POGK: variants seen among roughly 807,000 people sequenced by gnomAD.
POGK encodes pogo transposable element with KRAB domain.
In POGK, 16 loss-of-function variants were observed where a neutral mutation model predicts 54.4. The ratio of observed to expected loss-of-function variants is 0.29; its 90% CI spans 0.20 to 0.45. The LOEUF (loss-of-function observed/expected upper bound fraction) is 0.45. POGK is among the 20% of genes least tolerant of loss of function. The pLI is 1.00. For synonymous variants in POGK, 271 were observed against 302.2 expected (o/e 0.90, Z 1.07); for missense variants, 515 against 795.6 (o/e 0.65, Z 4.24).
chr1:166,844,569 C>G (rs944603124), intron 2 of POGK, among the ~76,000 whole-genome samples: 1 of 152,132 alleles, frequency 6.6e-6, no homozygotes, highest in Admixed American at 6.5e-5. Flanking sequence ...GGTTTTATGA[C>G]AGATAAAATT....
Position 166,847,526 on chromosome 1 carries a change from C to T in POGK, c.292C>T (p.Arg98Cys), listed in dbSNP as rs775214798. The change falls in exon 4 of 6, where the codon CGT (arginine) becomes TGT (cysteine). Residue 98 changes from arginine to cysteine, a missense_variant. Physicochemically the swap from Arg to Cys is radical, Grantham distance 180. Transcript: ENST00000367876. ...ATTCCCTAAGCCAGACATGATCACCCGTTTGGAAGGGGAGGAGGAGTCTCA... is the reference window on the plus strand; with the variant it reads ...ATTCCCTAAGCCAGACATGATCACCTGTTTGGAAGGGGAGGAGGAGTCTCA... The part of the protein sequence containing the change: ...FPFPKPDMIT[R>C]LEGEEESQNS... 3.1e-6 allele frequency: 5 copies of T among 1,613,926 alleles called. No individual in the cohort carries two copies. Among genetic ancestry groups the T allele is most frequent in the Non-Finnish European group, 3.4e-6 (4 of 1,179,888 alleles).
intron 2 of POGK, among the ~76,000 whole-genome samples, chr1:166,842,063 C>T (rs981325544): frequency 2.6e-5 from 4 of 152,118 alleles, no homozygotes; most frequent in East Asian, 1.9e-4. Flanking sequence ...CTGTGGACAC[C>T]GCGCTGCCTT....
At chr1:166,848,547 A>G (rs539093114) in intron 4 of POGK, among the ~76,000 whole-genome samples, 1 of 152,354 alleles carries the variant, frequency 6.6e-6, no homozygotes, top group South Asian at 2.1e-4. Context: ...TATGGTTAAC[A>G]TTTGGCTTCT....
intron 2 of POGK, 122 bp from the exon 3 acceptor site, chr1:166,846,490 G>C (rs756459492): frequency 6.1e-6 from 8 of 1,303,732 alleles, no homozygotes; most frequent in Non-Finnish European, 8.6e-6. Flanking sequence ...CCTGGGTCAG[G>C]GTCCCTCACC....
rs1207160558 is a variant in POGK, at chr1:166,850,172, G to A, written c.1593G>A (p.Leu531=). ...CCAACTGGCTTCTGGCTGGGAACCT[G>A]GCGCTGAGCCCAACCGGGAATGCTA... The part of the protein sequence containing the change: ...QYSNWLLAGN[L]ALSPTGNAKK... The change falls in exon 5 of 6, where the codon CTG becomes CTA. Residue 531 remains leucine, a synonymous_variant. Coordinates refer to ENST00000367876, the MANE Select transcript of POGK (RefSeq NM_017542.5). The A allele has an allele frequency of 1.9e-6, 3 of 1,560,484 alleles. No homozygotes were observed. The highest frequency in any genetic ancestry group is 1.2e-5 in the South Asian group (1 of 85,174).
At chr1:166,847,829 G>A (rs1657907801) in intron 4 of POGK, among the ~76,000 whole-genome samples, 1 of 152,154 alleles carries the variant, frequency 6.6e-6, no homozygotes, top group Admixed American at 6.5e-5. Context: ...GTATGACCTT[G>A]TTTGTGGATG....
chr1:166,842,735 C>T (rs1378318107), intron 2 of POGK, among the ~76,000 whole-genome samples: 1 of 152,096 alleles, frequency 6.6e-6, no homozygotes, highest in African/African-American at 2.4e-5. Context: ...TTTTGTTGGT[C>T]TGACTTGGTG....
chr1:166,850,224 G>C lies in POGK; in HGVS notation c.1645G>C (p.Glu549Gln), dbSNP rs1349256421. 4 of 1,555,628 alleles carry C rather than the reference G, an allele frequency of 2.6e-6. No individual in the cohort carries two copies. The highest frequency in any genetic ancestry group is 3.5e-6 in the Non-Finnish European group (4 of 1,149,032). The change falls in exon 5 of 6, where the codon GAG becomes CAG. Residue 549 changes from glutamate to glutamine, a missense_variant. Physicochemically the swap from Glu to Gln is conservative, Grantham distance 29. Around this residue, in one of 2 missense-constraint regions of POGK, gnomAD observed 461 missense variants for 743.5 expected, o/e 0.62. Transcript: ENST00000367876. ...AKKPPLGLFL[E>Q]WVMVAWNSIS... Reference sequence around the variant, plus strand: ...GAAGCCACCCCTGGGCCTCTTTCTGGAGTGGGTCATGGTCGCGTGGAATAG... The same window carrying C: ...GAAGCCACCCCTGGGCCTCTTTCTGCAGTGGGTCATGGTCGCGTGGAATAG...
In POGK at chr1:166,849,958, C is replaced by T. The variant is rs146206610; in HGVS notation, c.1379C>T (p.Ala460Val). The T allele has an allele frequency of 6.2e-7, 1 of 1,614,234 alleles. No homozygotes were observed. Among genetic ancestry groups the T allele is most frequent in the Non-Finnish European group, 8.5e-7 (1 of 1,180,036 alleles). The change falls in exon 5 of 6, where the codon GCA becomes GTA. Residue 460 changes from alanine (A) to valine (V), a missense_variant. Coordinates refer to ENST00000367876, the MANE Select transcript of POGK (RefSeq NM_017542.5). ...LEVVWRRRTGAVPKQRGMLIL... is the reference protein window; with the variant it reads ...LEVVWRRRTGVVPKQRGMLIL... ...GTGGTGTGGAGACGGAGGACAGGAG[C>T]AGTGCCCAAGCAGCGAGGGATGCTG...
At chr1:166,852,453 T>G (rs911746917) in intron 5 of POGK, 132 bp from the exon 6 acceptor site, 1 of 152,240 alleles carries the variant, frequency 6.6e-6, no homozygotes, top group Non-Finnish European at 1.5e-5. Flanking sequence ...ACAAGAGATT[T>G]GGGAGACCAA....
chr1:166,839,644 T>TC (rs1243178017), intron 1 of POGK, 40 bp downstream of exon 1: 2 of 136,992 alleles, frequency 1.5e-5, no homozygotes, highest in Non-Finnish European at 3.2e-5. Flanking sequence ...GCGCGGCCCC[T>TC]CCCCCGGGTC....
Position 166,854,572 on chromosome 1 carries a change from A to T in POGK, c.*2002A>T, listed in dbSNP as rs1326732677. On this transcript the variant is annotated 3_prime_UTR_variant, in exon 6 of 6. Transcript: ENST00000367876. The stretch of plus-strand genomic sequence containing the variant: ...TCTCCATCCGGTTTGGTACCAATAT[A>T]TTACATCTTTCAGTCAAAAAGTGTT... 1.3e-5 allele frequency: 2 copies of T among 152,240 alleles called. No homozygotes were observed. The highest frequency in any genetic ancestry group is 2.9e-5 in the Non-Finnish European group (2 of 68,046). 9.4% of individuals were successfully genotyped at this position (152,240 alleles called of 1,614,324 possible).
At position 166,854,478 on chromosome 1, in the gene POGK, A is replaced by G. The variant is rs868079622; in HGVS notation, c.*1908A>G. The G allele has an allele frequency of 7.5e-5, 10 of 133,470 alleles. No homozygotes were observed. The highest frequency in any genetic ancestry group is 1.3e-4 in the Non-Finnish European group (8 of 59,596). 8.3% of individuals were successfully genotyped at this position (133,470 alleles called of 1,614,324 possible). A position where few individuals can be genotyped will look rare whatever the true frequency, so the allele number is the denominator to read the frequency against. On this transcript the variant is annotated 3_prime_UTR_variant, in exon 6 of 6. Coordinates refer to ENST00000367876, the MANE Select transcript of POGK (RefSeq NM_017542.5). The stretch of plus-strand genomic sequence containing the variant: ...ACTTTGATAATAAAGACAATAGGCT[A>G]TGGTGATTTTATTTCTTTACCTATT...
chr1:166,844,616 G>T (rs1456912584), intron 2 of POGK, among the ~76,000 whole-genome samples: 1 of 152,224 alleles, frequency 6.6e-6, no homozygotes, highest in African/African-American at 2.4e-5. Context: ...TAGAACAAGA[G>T]AAGGGAAATC....
chr1:166,841,310 T>C (rs1217882393), intron 2 of POGK, among the ~76,000 whole-genome samples: 2 of 152,218 alleles, frequency 1.3e-5, no homozygotes, highest in African/African-American at 2.4e-5. Context: ...CATCGTTCAA[T>C]TGGAAGTCCT....
intron 2 of POGK, among the ~76,000 whole-genome samples, chr1:166,842,910 T>C (rs1305301600): frequency 6.6e-6 from 1 of 151,838 alleles, no homozygotes; most frequent in Non-Finnish European, 1.5e-5. Context: ...TGTGCTGAGG[T>C]TGAGAAACCC....
intron 2 of POGK, among the ~76,000 whole-genome samples, chr1:166,842,865 A>G (rs955980038): frequency 1.3e-5 from 2 of 152,030 alleles, no homozygotes; most frequent in African/African-American, 4.8e-5. Context: ...ACACATACAC[A>G]CACAACAAAG....
intron 1 of POGK, 75 bp downstream of exon 1, chr1:166,839,679 G>T (rs2101740482): frequency 7.3e-6 from 1 of 136,974 alleles, no homozygotes; most frequent in African/African-American, 2.7e-5. Flanking sequence ...CGCGGCAGAG[G>T]CGGGGGCGCC....
At position 166,856,026 on chromosome 1, in the gene POGK, A is replaced by G. The variant is rs1186350597; in HGVS notation, c.*3456A>G. 2 of 152,208 alleles carry G rather than the reference A, an allele frequency of 1.3e-5. No individual in the cohort carries two copies. The highest frequency in any genetic ancestry group is 6.5e-5 in the Admixed American group (1 of 15,284). 9.4% of individuals were successfully genotyped at this position (152,208 alleles called of 1,614,324 possible). Reference sequence around the variant, plus strand: ...TTTTTTAAGAAGTCTTAATCTATACATAAGAAATTACATACCTGGCCAGGT... The same window carrying G: ...TTTTTTAAGAAGTCTTAATCTATACGTAAGAAATTACATACCTGGCCAGGT... On this transcript the variant is annotated 3_prime_UTR_variant, in exon 6 of 6. Coordinates refer to ENST00000367876, the MANE Select transcript of POGK (RefSeq NM_017542.5).
Sources: gnomAD v4.1 joint callset for allele counts (sites outside exome capture counted in the v4.1 genomes callset) on GRCh38, gnomAD v4.1.1 for gene constraint, gnomAD v4.1.1 regional missense constraint, MANE v1.5 for transcripts, NCBI Gene and HGNC (gene_info 2026-07-23, HGNC 2026-07-21) for gene names.